STAT3: variants seen among roughly 807,000 people sequenced by gnomAD.
The protein encoded by STAT3 is DNA-binding protein APRF.
STAT3 carries 7 observed loss-of-function variants against 114.3 expected under a neutral mutation model. The observed-to-expected ratio is 0.06, with a 90% CI of 0.03 to 0.11. The LOEUF is 0.11. Among genes scored for constraint, STAT3 ranks in the 10% least tolerant of loss-of-function variants. The pLI is 1.00. For missense variants in STAT3, 364 were observed against 960.9 expected, an observed-to-expected ratio of 0.38 and a Z score of 8.21; for synonymous variants, 331 against 354.5, an observed-to-expected ratio of 0.93 and a Z score of 0.74.
rs376080249 is a variant in STAT3 at position 42,329,764 on chromosome 17, G to A, written c.1122C>T (p.Asp374=). The A allele has an allele frequency of 2.2e-5, 36 of 1,614,088 alleles. No homozygotes were observed. Among genetic ancestry groups the A allele is most frequent in the Non-Finnish European group, 2.6e-5 (31 of 1,180,046 alleles). ...GAACTTACCCTCTGAGAGCTGCAAC[G>A]TCCCCAGAGTCTCTGTAAGAACACA... ...IKVCIDKDSG[D]VAALRGSRKF... The change falls in exon 12 of 24, where the codon GAC becomes GAT. Residue 374 remains aspartate (D), a synonymous_variant. Coordinates refer to ENST00000264657, the MANE Select transcript of STAT3 (RefSeq NM_139276.3).
chr17:42,336,796 TA>T (rs2082246365), intron 8 of STAT3, among the ~76,000 whole-genome samples: 1 of 151,990 alleles, frequency 6.6e-6, no homozygotes, highest in Non-Finnish European at 1.5e-5. Context: ...TTTTTTCCCT[TA>T]AAAAGGGCAT....
chr17:42,385,646 C>T lies in STAT3; in HGVS notation c.-24+2633G>A, dbSNP rs1156665144. ...CACCTCATATCTGAATGTCAAGAGA[C>T]ACGTAGAGGCAGAGAAGTTAAAGCA... On this transcript the variant is annotated intron_variant, in intron 1 of 23. Transcript: ENST00000264657. Among the ~76,000 whole-genome samples, 3 of 152,168 alleles carry T rather than the reference C, an allele frequency of 2.0e-5. No homozygotes were observed. The East Asian group carries it at 5.8e-4, about 29-fold the overall frequency.
chr17:42,366,449 T>A (rs2083794950), intron 1 of STAT3, among the ~76,000 whole-genome samples: 1 of 151,958 alleles, frequency 6.6e-6, no homozygotes, highest in South Asian at 2.1e-4. Context: ...GGCGGGTGGA[T>A]CACTTGAGCT....
intron 15 of STAT3, among the ~76,000 whole-genome samples, chr17:42,325,760 C>T (rs887090171): frequency 2.0e-5 from 3 of 152,048 alleles, no homozygotes; most frequent in African/African-American, 4.8e-5. Flanking sequence ...GACGGGGTTT[C>T]GTCATGTTGG....
chr17:42,370,437 G>A (rs1290990718), intron 1 of STAT3, among the ~76,000 whole-genome samples: 3 of 151,510 alleles, frequency 2.0e-5, no homozygotes, highest in African/African-American at 7.3e-5. Context: ...GCAGAGACGG[G>A]GTTTCACCAT....
chr17:42,341,180 A>AT (rs1356416497), intron 4 of STAT3, among the ~76,000 whole-genome samples: 3 of 152,202 alleles, frequency 2.0e-5, no homozygotes, highest in African/African-American at 7.2e-5. Flanking sequence ...ATGATTAACG[A>AT]TCACCCACAG....
chr17:42,368,647 A>G (rs1158056425), intron 1 of STAT3, among the ~76,000 whole-genome samples: 1 of 151,464 alleles, frequency 6.6e-6, no homozygotes, highest in East Asian at 1.9e-4. Context: ...TTTAGTAGAG[A>G]CAGGGTTTCT....
chr17:42,354,771 C>T (rs2098524462), intron 1 of STAT3, among the ~76,000 whole-genome samples: 2 of 131,108 alleles, frequency 1.5e-5, no homozygotes, highest in South Asian at 5.0e-4. Context: ...CGTGCCATTG[C>T]ACTCCAGCCT....
chr17:42,348,305 C>T lies in STAT3; in HGVS notation c.128+84G>A, dbSNP rs958672563. ...TGTACCCATACATTTTTTAATGGAA[C>T]AGCAAGGCATGACATTAAGAGTTCA... On this transcript the variant is annotated intron_variant, in intron 2 of 23. Transcript: ENST00000264657. 2.3e-5 allele frequency: 36 copies of T among 1,579,416 alleles called. No individual in the cohort carries two copies. The African/African-American group carries it at 3.8e-4, about 17-fold the overall frequency.
chr17:42,386,991 CAA>C (rs1467555281), intron 1 of STAT3: 1 of 152,100 alleles, frequency 6.6e-6, no homozygotes, highest in Non-Finnish European at 1.5e-5. Context: ...CTGGCTGAAC[CAA>C]GTCATAACAC....
chr17:42,315,915 G>A, intron 23 of STAT3, 115 bp from the exon 24 acceptor site: 2 of 1,590,824 alleles, frequency 1.3e-6, no homozygotes, highest in Non-Finnish European at 1.7e-6. Context: ...CCAATCTCCT[G>A]CCCCTTAAGG....
chr17:42,340,048 C>T (rs996882228), intron 4 of STAT3, among the ~76,000 whole-genome samples: 1 of 152,002 alleles, frequency 6.6e-6, no homozygotes, highest in Non-Finnish European at 1.5e-5. Context: ...AAATAAATAG[C>T]ATATGAAACT....
In STAT3 at chr17:42,315,732, C is replaced by T. The variant is rs756380897; in HGVS notation, c.*13G>A. 4 of 1,613,546 alleles carry T rather than the reference C, an allele frequency of 2.5e-6. No homozygotes were observed. The African/African-American group carries it at 4.0e-5, about 16-fold the overall frequency. ...CTCAGTCGTATCTTTCTGCAGCTTC[C>T]GTTCTCAGCTCCTCACATGGGGGAG... On this transcript the variant is annotated 3_prime_UTR_variant, in exon 24 of 24. Transcript: ENST00000264657.
rs1343844709 is a variant in STAT3 at position 42,333,562 on chromosome 17, C to T, written c.1049+111G>A. 9.9e-6 allele frequency: 12 copies of T among 1,217,418 alleles called. No homozygotes were observed. In the African/African-American group the frequency reaches 1.8e-4, roughly 18 times the overall value. 75.4% of individuals were successfully genotyped at this position (1,217,418 alleles called of 1,614,324 possible). A position where few individuals can be genotyped will look rare whatever the true frequency, so the allele number is the denominator to read the frequency against. On this transcript the variant is annotated intron_variant, in intron 10 of 23. Coordinates refer to ENST00000264657, the MANE Select transcript of STAT3 (RefSeq NM_139276.3). This position sits in a 1 kb window ranked among gnomAD's most constrained non-coding sequence, Gnocchi z 5.2. ...CAAATTTCAACCCCGCAACAGTGTA[C>T]TGCCTGTGACACCACACCTGGAAAG...
At chr17:42,380,812 C>G (rs2084749750) in intron 1 of STAT3, among the ~76,000 whole-genome samples, 1 of 152,170 alleles carries the variant, frequency 6.6e-6, no homozygotes, top group African/African-American at 2.4e-5. Context: ...ACCCCGAAGG[C>G]TGAGGCAGGA....
chr17:42,337,748 G>T lies in STAT3; in HGVS notation c.645+15C>A. 1 of 1,614,050 alleles carries T rather than the reference G, an allele frequency of 6.2e-7. No homozygotes were observed. Among genetic ancestry groups the T allele is most frequent in the South Asian group, 1.1e-5 (1 of 91,018 alleles). On this transcript the variant is annotated intron_variant, in intron 7 of 23. Coordinates refer to ENST00000264657, the MANE Select transcript of STAT3 (RefSeq NM_139276.3). The surrounding 1 kb of genome is among the most constrained non-coding windows in gnomAD (Gnocchi z 4.0). ...GCGAGACACATGGGGGAAGTGGTCC[G>T]ACCTATGCCCTTACTCTCCGCATCT... is the stretch of plus-strand genomic sequence containing the variant.
At chr17:42,373,424 C>T (rs894965526) in intron 1 of STAT3, among the ~76,000 whole-genome samples, 2 of 151,950 alleles carry the variant, frequency 1.3e-5, no homozygotes, top group Non-Finnish European at 2.9e-5. Flanking sequence ...TGGTGGCAGG[C>T]ACCTGTAATC....
chr17:42,386,421 G>C (rs1464947180), intron 1 of STAT3, among the ~76,000 whole-genome samples: 1 of 152,128 alleles, frequency 6.6e-6, no homozygotes, highest in Non-Finnish European at 1.5e-5. Context: ...TACGATATTA[G>C]GGTAATTGTT....
intron 1 of STAT3, among the ~76,000 whole-genome samples, chr17:42,365,648 T>TG (rs1324280279): frequency 1.3e-3 from 154 of 119,920 alleles, no homozygotes; most frequent in Middle Eastern, 3.7e-3. Context: ...AGTTTTTTTT[T>TG]TTTGTTTTTT....
Sources: allele counts gnomAD v4.1 joint callset (sites outside exome capture counted in the v4.1 genomes callset), GRCh38; gene constraint gnomAD v4.1.1; non-coding constraint Gnocchi (gnomAD v3.1); transcripts MANE v1.5; gene names NCBI Gene and HGNC (gene_info 2026-07-23, HGNC 2026-07-21).